FOXN2: variants seen among roughly 807,000 people sequenced by gnomAD.
The protein encoded by FOXN2 is forkhead box protein N2.
A neutral mutation model predicts 41.2 loss-of-function variants in FOXN2; 19 were observed. That is an observed-to-expected ratio of 0.46 (90% CI 0.32 to 0.68). The LOEUF (loss-of-function observed/expected upper bound fraction) is 0.68, where lower values mean the gene tolerates loss of function less well. Ranked by LOEUF, FOXN2 falls within the 30% of genes least tolerant of loss-of-function variation. FOXN2 has a pLI of 0.03. For synonymous variants in FOXN2, 195 were observed against 176.8 expected (o/e 1.10, Z -0.82); for missense variants, 587 against 509.4 (o/e 1.15, Z -1.47).
chr2:48,337,338 C>CT (rs1196738785), intron 2 of FOXN2, among the ~76,000 whole-genome samples: 8 of 146,956 alleles, frequency 5.4e-5, no homozygotes, highest in Non-Finnish European at 1.2e-4. Flanking sequence ...CCCTTTGTTG[C>CT]TTAGGCTGGT....
chr2:48,319,956 A>G (rs1028727150), intron 1 of FOXN2, among the ~76,000 whole-genome samples: 6 of 151,810 alleles, frequency 4.0e-5, no homozygotes, highest in African/African-American at 1.5e-4. Flanking sequence ...ATTTTGCATT[A>G]TACAGGGTTA....
intron 1 of FOXN2, among the ~76,000 whole-genome samples, chr2:48,324,565 CTT>C (rs368911760): frequency 6.4e-4 from 97 of 152,100 alleles, no homozygotes; most frequent in African/African-American, 2.3e-3. Context: ...TAAAACAAAA[CTT>C]GATGTGGTAT....
At chr2:48,353,528 C>T (rs1671588074) in intron 3 of FOXN2, among the ~76,000 whole-genome samples, 1 of 146,878 alleles carries the variant, frequency 6.8e-6, no homozygotes, top group African/African-American at 2.5e-5. Flanking sequence ...GAGGTCAAGG[C>T]CTTAGTAGAA....
Position 48,365,070 on chromosome 2 carries a change from G to A in FOXN2, c.703+2363G>A, listed in dbSNP as rs1050527630. Among the ~76,000 whole-genome samples the A allele has an allele frequency of 3.3e-5, 5 of 152,188 alleles. No homozygotes were observed. The South Asian group carries it at 6.2e-4, about 19-fold the overall frequency. On this transcript the variant is annotated intron_variant, in intron 5 of 6. Transcript: ENST00000340553. ...GTATATTAAAATCAGTTTTCCTAGC[G>A]TTGCTTTGGAGCCTGGAGACATTTT...
chr2:48,349,270 GA>G (rs1313384333), intron 3 of FOXN2, among the ~76,000 whole-genome samples: 7 of 152,136 alleles, frequency 4.6e-5, no homozygotes, highest in Admixed American at 4.6e-4. Context: ...TGGATCGCTT[GA>G]GCCCAGGAGT....
At chr2:48,347,941 A>C (rs1485817277) in intron 3 of FOXN2, among the ~76,000 whole-genome samples, 2 of 151,516 alleles carry the variant, frequency 1.3e-5, no homozygotes, top group Admixed American at 1.3e-4. Flanking sequence ...ATTCCTCTTT[A>C]TGTAATGTCT....
intron 5 of FOXN2, among the ~76,000 whole-genome samples, chr2:48,364,429 T>G (rs1034433722): frequency 6.6e-6 from 1 of 152,150 alleles, no homozygotes; most frequent in African/African-American, 2.4e-5. Context: ...CTTTGGGGTT[T>G]TTTTAATGCC....
At chr2:48,345,045 C>T (rs1020147411) in intron 2 of FOXN2, among the ~76,000 whole-genome samples, 3 of 151,866 alleles carry the variant, frequency 2.0e-5, no homozygotes, top group African/African-American at 7.3e-5. Context: ...AAGTGCAAAA[C>T]AAAAATAATT....
At chr2:48,327,626 G>A (rs981004308) in intron 1 of FOXN2, among the ~76,000 whole-genome samples, 6 of 152,032 alleles carry the variant, frequency 3.9e-5, no homozygotes, top group African/African-American at 1.4e-4. Context: ...TGTATTTTTA[G>A]TAGAGACGGT....
intron 6 of FOXN2, among the ~76,000 whole-genome samples, chr2:48,373,930 C>T (rs1407792251): frequency 6.6e-6 from 1 of 151,942 alleles, no homozygotes; most frequent in African/African-American, 2.4e-5. Context: ...TGGTGCATGC[C>T]TGTAGTCCCA....
intron 3 of FOXN2, 53 bp downstream of exon 3, chr2:48,346,804 A>G (rs1288353723): frequency 1.1e-5 from 15 of 1,416,644 alleles, no homozygotes; most frequent in South Asian, 1.5e-5. Flanking sequence ...ACTAATTAAC[A>G]TGGAGCCCTT....
chr2:48,323,251 T>A (rs1669454724), intron 1 of FOXN2, among the ~76,000 whole-genome samples: 1 of 152,156 alleles, frequency 6.6e-6, no homozygotes, highest in Admixed American at 6.5e-5. Context: ...ATTAAGATAA[T>A]TAGAATATCT....
At chr2:48,334,886 C>A (rs571580385) in intron 2 of FOXN2, among the ~76,000 whole-genome samples, 164 of 152,196 alleles carry the variant, frequency 1.1e-3, no homozygotes, top group Non-Finnish European at 1.5e-3. Flanking sequence ...AATATTACTG[C>A]AAATCGAAAA....
chr2:48,322,184 G>A (rs1224004042), intron 1 of FOXN2, among the ~76,000 whole-genome samples: 2 of 152,190 alleles, frequency 1.3e-5, no homozygotes, highest in Admixed American at 6.5e-5. Flanking sequence ...CTGACCTCAG[G>A]TGATCTGCCT....
chr2:48,368,711 C>T (rs1050768000), intron 5 of FOXN2, among the ~76,000 whole-genome samples: 2 of 152,076 alleles, frequency 1.3e-5, no homozygotes, highest in Non-Finnish European at 2.9e-5. Flanking sequence ...AACGAATCAA[C>T]GAAAATAGAT....
chr2:48,375,261 T>C lies in FOXN2; in HGVS notation c.1114T>C (p.Cys372Arg). Residue 372 changes from cysteine to arginine, a missense_variant, in exon 7 of 7, where the codon TGT becomes CGT. Cys to Arg is a radical substitution (Grantham distance 180, BLOSUM62 -3). Coordinates refer to ENST00000340553, the MANE Select transcript of FOXN2 (RefSeq NM_002158.4). ...AGACAGTGGCTATGCATCACAGCCT[T>C]GTGCAAAAATCTCTGAAAAAGGGCA... ...LGDSGYASQP[C>R]AKISEKGQSG... 6.2e-7 allele frequency: 1 copy of C among 1,614,034 alleles called. No individual in the cohort carries two copies.
Position 48,375,281 on chromosome 2 carries a change from A to G in FOXN2, c.1134A>G (p.Lys378=). The G allele has an allele frequency of 6.2e-7, 1 of 1,614,052 alleles. No individual in the cohort carries two copies. Among genetic ancestry groups the G allele is most frequent in the Non-Finnish European group, 8.5e-7 (1 of 1,179,986 alleles). ...ASQPCAKISE[K]GQSGKKMRKQ... Reference sequence around the variant, plus strand: ...AGCCTTGTGCAAAAATCTCTGAAAAAGGGCAGTCAGGCAAAAAGATGCGAA... The same window carrying G: ...AGCCTTGTGCAAAAATCTCTGAAAAGGGGCAGTCAGGCAAAAAGATGCGAA... The change falls in exon 7 of 7, where the codon AAA becomes AAG. Residue 378 remains lysine, a synonymous_variant. Coordinates refer to ENST00000340553, the MANE Select transcript of FOXN2 (RefSeq NM_002158.4).
At chr2:48,332,370 G>A (rs1006917036) in intron 2 of FOXN2, among the ~76,000 whole-genome samples, 1 of 152,272 alleles carries the variant, frequency 6.6e-6, no homozygotes, top group Middle Eastern at 3.4e-3. Flanking sequence ...AAACTACAAG[G>A]ATTAGAAGAA....
At chr2:48,322,771 A>G (rs71407505) in intron 1 of FOXN2, among the ~76,000 whole-genome samples, 1 of 148,622 alleles carries the variant, frequency 6.7e-6, no homozygotes, top group Non-Finnish European at 1.5e-5. Context: ...TATATATAAT[A>G]CAATATATAT....
Sources: allele counts gnomAD v4.1 joint callset (sites outside exome capture counted in the v4.1 genomes callset), GRCh38; gene constraint gnomAD v4.1.1; transcripts MANE v1.5; gene names NCBI Gene and HGNC (gene_info 2026-07-23, HGNC 2026-07-21).